Variants in GCSAML observed in about 807,000 individuals in gnomAD.
The protein encoded by GCSAML is germinal center associated signaling and motility like, also known as germinal center-associated signaling and motility-like protein.
GCSAML carries 9 observed loss-of-function variants against 13.0 expected under a neutral mutation model. The ratio of observed to expected loss-of-function variants is 0.69; its 90% CI spans 0.42 to 1.21. The LOEUF (loss-of-function observed/expected upper bound fraction) is 1.21. GCSAML is among the 50% of genes most tolerant of loss of function. The pLI is 0.00. For synonymous variants in GCSAML, 37 were observed against 52.9 expected, an observed-to-expected ratio of 0.70 and a Z score of 1.31; for missense variants, 143 against 153.4, an observed-to-expected ratio of 0.93 and a Z score of 0.36.
intron 1 of GCSAML, among the ~76,000 whole-genome samples, chr1:247,551,121 G>A (rs60379847): frequency 0.032 from 4,838 of 152,260 alleles, 129 homozygotes; most frequent in East Asian, 0.088. Context: ...TTAAGATAAG[G>A]CAGGTGCTAA....
chr1:247,564,883 C>T lies in GCSAML; in HGVS notation c.140-1048C>T, dbSNP rs1167605318. ...AAATTAACTCAAGATGGATTAAAGA[C>T]CCAAACGTAAAACCCAAAATTATAA... On this transcript the variant is annotated intron_variant, in intron 3 of 4. Coordinates refer to ENST00000366488, the MANE Select transcript of GCSAML (RefSeq NM_145278.5). Among the ~76,000 whole-genome samples, 6 of 152,100 alleles carry T rather than the reference C, an allele frequency of 3.9e-5. No homozygotes were observed. The South Asian group carries it at 1.2e-3, about 32-fold the overall frequency.
intron 4 of GCSAML, among the ~76,000 whole-genome samples, chr1:247,570,412 G>T (rs1047572787): frequency 3.3e-5 from 5 of 152,056 alleles, no homozygotes; most frequent in Non-Finnish European, 5.9e-5. Flanking sequence ...TTGTGTCTTT[G>T]TTCTCATTGG....
Position 247,526,661 on chromosome 1 carries a change from C to T in GCSAML, c.-262-279C>T, listed in dbSNP as rs1196977681. 1.2e-5 allele frequency: 4 copies of T among 325,496 alleles called. No individual in the cohort carries two copies. The highest frequency in any genetic ancestry group is 2.4e-5 in the Non-Finnish European group (4 of 167,932). 20.2% of individuals were successfully genotyped at this position (325,496 alleles called of 1,614,324 possible). A position where few individuals can be genotyped will look rare whatever the true frequency, so the allele number is the denominator to read the frequency against. ...CACAGTGTGCAGCATGGGAGGAAAC[C>T]CATACATGAAGTAGAGGGTTCACAG... is the stretch of plus-strand genomic sequence containing the variant. On this transcript the variant is annotated intron_variant, in intron 1 of 5. Coordinates refer to the GCSAML transcript ENST00000366489. This position sits in a 1 kb window ranked among gnomAD's most constrained non-coding sequence, Gnocchi z 4.8.
chr1:247,569,101 T>C (rs1668498063), intron 4 of GCSAML, among the ~76,000 whole-genome samples: 1 of 152,188 alleles, frequency 6.6e-6, no homozygotes, highest in South Asian at 2.1e-4. Flanking sequence ...TAAGGAGTTT[T>C]TGGGCTGAGA....
At chr1:247,551,493 A>G (rs1435047674) in intron 1 of GCSAML, among the ~76,000 whole-genome samples, 1 of 152,218 alleles carries the variant, frequency 6.6e-6, no homozygotes, top group African/African-American at 2.4e-5. Context: ...GAAAAATGCA[A>G]TGTGGCATGT....
At chr1:247,545,746 T>C (rs752497341), upstream of GCSAML, among the ~76,000 whole-genome samples, 3 of 152,218 alleles carry the variant, frequency 2.0e-5, no homozygotes, top group Non-Finnish European at 4.4e-5. Flanking sequence ...TATTTAGTTA[T>C]TTTTGCTATT....
chr1:247,551,368 T>C (rs1049337904), intron 1 of GCSAML, among the ~76,000 whole-genome samples: 6 of 152,216 alleles, frequency 3.9e-5, no homozygotes, highest in African/African-American at 1.4e-4. Context: ...TGGAGCATAT[T>C]GTTCAGAGAT....
At chr1:247,573,261 CACTCAGTTTTGTGCTTGAA>C (rs1668696454) in intron 4 of GCSAML, among the ~76,000 whole-genome samples, 1 of 152,168 alleles carries the variant, frequency 6.6e-6, no homozygotes, top group African/African-American at 2.4e-5. Context: ...CTCAAATGGC[CACTCAGTTTTGTGCTTGAA>C]ACCCAGTTTT....
intron 2 of GCSAML, chr1:247,534,028 A>C (rs6698827): frequency 6.6e-6 from 1 of 151,614 alleles, no homozygotes; most frequent in Non-Finnish European, 1.5e-5. Context: ...CCCCTTCCTC[A>C]CCTTCTTCAG....
At chr1:247,513,353 C>T (rs779395035) in intron 1 of GCSAML, among the ~76,000 whole-genome samples, 3 of 152,174 alleles carry the variant, frequency 2.0e-5, no homozygotes, top group Non-Finnish European at 4.4e-5. Flanking sequence ...GGCGGACACC[C>T]CTCCCCACCA....
At chr1:247,535,040 G>A (rs1176888774) in intron 2 of GCSAML, among the ~76,000 whole-genome samples, 2 of 152,076 alleles carry the variant, frequency 1.3e-5, no homozygotes. Flanking sequence ...AGCCGGGGGC[G>A]GTGGCTCATG....
In GCSAML at chr1:247,574,826, A is replaced by G. The variant is rs992448912; in HGVS notation, c.*444A>G. The G allele has an allele frequency of 3.2e-5, 6 of 187,882 alleles. No homozygotes were observed. The highest frequency in any genetic ancestry group is 5.6e-5 in the Non-Finnish European group (5 of 89,110). The allele number at this position is 187,882 out of a possible 1,614,324, so 11.6% of individuals were successfully genotyped here. ...CCTTCCCTTTTGGAGTTTATGCACAAGTGACCAGGATGAGTCATAAGACTG... is the reference window on the plus strand; with the variant it reads ...CCTTCCCTTTTGGAGTTTATGCACAGGTGACCAGGATGAGTCATAAGACTG... On this transcript the variant is annotated 3_prime_UTR_variant, in exon 5 of 5. Transcript: ENST00000366488.
intron 2 of GCSAML, among the ~76,000 whole-genome samples, chr1:247,541,799 C>T (rs1391072812): frequency 1.3e-5 from 2 of 152,020 alleles, no homozygotes; most frequent in Non-Finnish European, 2.9e-5. Flanking sequence ...CACTTGAGGT[C>T]AGGAGTTTGA....
At chr1:247,561,680 T>C (rs1668133058) in intron 2 of GCSAML, among the ~76,000 whole-genome samples, 1 of 152,232 alleles carries the variant, frequency 6.6e-6, no homozygotes, top group African/African-American at 2.4e-5. Flanking sequence ...AAACATGTTA[T>C]TTTTCTGCTT....
chr1:247,546,238 T>C (rs1323873655), upstream of GCSAML, among the ~76,000 whole-genome samples: 1 of 152,172 alleles, frequency 6.6e-6, no homozygotes, highest in Admixed American at 6.5e-5. Flanking sequence ...ACGGGCATGA[T>C]CATTGCACAC....
At chr1:247,514,194 T>C (rs1259636867) in intron 1 of GCSAML, among the ~76,000 whole-genome samples, 1 of 152,174 alleles carries the variant, frequency 6.6e-6, no homozygotes, top group East Asian at 1.9e-4. Context: ...TTGCCAAGGA[T>C]GGCCCGGATC....
chr1:247,521,661 C>T (rs927071400), intron 1 of GCSAML, among the ~76,000 whole-genome samples: 5 of 152,212 alleles, frequency 3.3e-5, no homozygotes, highest in South Asian at 2.1e-4. Context: ...GGATTGCAGA[C>T]GGAGTCTCGT....
intron 2 of GCSAML, chr1:247,531,458 A>T: frequency 7.6e-7 from 1 of 1,310,758 alleles, no homozygotes; most frequent in African/African-American, 1.5e-5. Flanking sequence ...AAACAATATT[A>T]GAAGAAAAAC....
intron 1 of GCSAML, among the ~76,000 whole-genome samples, chr1:247,520,223 A>G (rs537482611): frequency 1.9e-4 from 29 of 152,342 alleles, no homozygotes; most frequent in African/African-American, 6.5e-4. Flanking sequence ...ATATTTGGTT[A>G]AACACCAGTC....
Sources: allele counts gnomAD v4.1 joint callset (sites outside exome capture counted in the v4.1 genomes callset), GRCh38; gene constraint gnomAD v4.1.1; non-coding constraint Gnocchi (gnomAD v3.1); transcripts MANE v1.5; gene names NCBI Gene and HGNC (gene_info 2026-07-23, HGNC 2026-07-21).